Variants in ABCB11 observed in about 807,000 individuals in gnomAD.
ABCB11 encodes the protein bile salt export pump.
A neutral mutation model predicts 148.0 loss-of-function variants in ABCB11; 95 were observed. The observed-to-expected ratio is 0.64, with a 90% confidence interval of 0.54 to 0.76. The LOEUF (loss-of-function observed/expected upper bound fraction) is 0.76. Ranked by LOEUF, ABCB11 falls within the 30% of genes least tolerant of loss-of-function variation. The pLI, the probability that ABCB11 is intolerant of heterozygous loss-of-function variation, is 0.00. For missense variants in ABCB11, 1,523 were observed against 1,617.8 expected (o/e 0.94, Z 1.01); for synonymous variants, 591 against 555.4 (o/e 1.06, Z -0.90).
At chr2:168,959,080 G>C (rs562609372) in intron 18 of ABCB11, among the ~76,000 whole-genome samples, 8 of 151,800 alleles carry the variant, frequency 5.3e-5, no homozygotes, top group African/African-American at 1.7e-4. Context: ...GGCAGGGATA[G>C]ACAACAGCAA....
In ABCB11 at chr2:168,932,431, T is replaced by C. The variant is rs768860471; in HGVS notation, c.3159A>G (p.Gln1053=). Residue 1053 remains glutamine (Q), a synonymous_variant, in exon 24 of 28, where the codon CAA becomes CAG. Coordinates refer to ENST00000650372, the MANE Select transcript of ABCB11 (RefSeq NM_003742.4). ...TGATTGGGGGTTGTCGGTCCAGCAG[T>C]TGAAAAAAGCGTGCAGCTGATATTT... ...KAKISAARFF[Q]LLDRQPPISV... 2 of 1,603,568 alleles carry C rather than the reference T, an allele frequency of 1.2e-6. No homozygotes were observed. Among genetic ancestry groups the C allele is most frequent in the Admixed American group, 1.7e-5 (1 of 58,424 alleles).
chr2:168,936,521 A>G (rs958852363), intron 21 of ABCB11, 88 bp from the exon 22 acceptor site: 1 of 1,230,072 alleles, frequency 8.1e-7, no homozygotes. Flanking sequence ...CCTTTTATAA[A>G]GTTGTGATAA....
At chr2:168,980,074 A>G (rs1490831019) in intron 10 of ABCB11, 95 bp from the exon 11 acceptor site, 1 of 676,284 alleles carries the variant, frequency 1.5e-6, no homozygotes, top group African/African-American at 1.8e-5. Flanking sequence ...GCAGAGAGTT[A>G]TCAGAAATTC....
rs1050210299 is a variant in ABCB11 at position 168,929,356 on chromosome 2, C to T, written c.3411+1309G>A. 5.9e-5 allele frequency among the ~76,000 whole-genome samples: 9 copies of T among 151,916 alleles called. 1 individual carries two copies. The highest frequency in any genetic ancestry group is 1.7e-4 in the African/African-American group (7 of 41,346). Reference sequence around the variant, plus strand: ...AGAAATGAGGGAAGAGATGGCCTGACAGAGACATTGGAAGAACACAAAGGT... The same window carrying T: ...AGAAATGAGGGAAGAGATGGCCTGATAGAGACATTGGAAGAACACAAAGGT... On this transcript the variant is annotated intron_variant, in intron 25 of 27. Transcript: ENST00000650372.
chr2:168,986,107 T>C lies in ABCB11; in HGVS notation c.1083+3A>G. 3 of 1,596,710 alleles carry C rather than the reference T, an allele frequency of 1.9e-6. No individual in the cohort carries two copies. Among genetic ancestry groups the C allele is most frequent in the East Asian group, 2.2e-5 (1 of 44,506 alleles). Reference sequence around the variant, plus strand: ...TATGTCTCGGTCAATAAGTCCAAGGTACCTGGACAAGGGTTCCTGGTGTAT... The same window carrying C: ...TATGTCTCGGTCAATAAGTCCAAGGCACCTGGACAAGGGTTCCTGGTGTAT... On this transcript the variant is annotated splice_donor_region_variant and intron_variant, in intron 10 of 27. Coordinates refer to ENST00000650372, the MANE Select transcript of ABCB11 (RefSeq NM_003742.4).
At chr2:169,015,797 T>C (rs891851902) in intron 3 of ABCB11, among the ~76,000 whole-genome samples, 1 of 152,190 alleles carries the variant, frequency 6.6e-6, no homozygotes, top group Admixed American at 6.5e-5. Context: ...TATATCTCCC[T>C]CACTAAAATG....
At chr2:169,025,180 G>T (rs1695660565) in intron 1 of ABCB11, among the ~76,000 whole-genome samples, 1 of 151,988 alleles carries the variant, frequency 6.6e-6, no homozygotes, top group African/African-American at 2.4e-5. Context: ...CATTTAAAAA[G>T]ATTTCTTTCC....
intron 2 of ABCB11, 32 bp from the exon 3 acceptor site, chr2:169,016,831 A>G (rs1294671445): frequency 4.5e-6 from 7 of 1,543,984 alleles, no homozygotes; most frequent in Non-Finnish European, 6.2e-6. Flanking sequence ...GCAAAAAAGC[A>G]GTTAATAATA....
intron 3 of ABCB11, among the ~76,000 whole-genome samples, chr2:169,014,837 T>C (rs898043762): frequency 4.6e-5 from 7 of 152,202 alleles, no homozygotes; most frequent in African/African-American, 1.7e-4. Context: ...TCATATTTCC[T>C]TAATATTTCC....
intron 5 of ABCB11, among the ~76,000 whole-genome samples, chr2:169,006,115 A>C (rs1375712335): frequency 6.6e-6 from 1 of 152,208 alleles, no homozygotes; most frequent in African/African-American, 2.4e-5. Context: ...TATATATTAT[A>C]TCTCTTATTA....
At chr2:168,975,812 CAT>C (rs955344629) in intron 12 of ABCB11, among the ~76,000 whole-genome samples, 3 of 148,056 alleles carry the variant, frequency 2.0e-5, no homozygotes, top group South Asian at 2.1e-4. Context: ...ATATATATCA[CAT>C]ATATATATGA....
chr2:168,975,295 T>A (rs372741105), intron 12 of ABCB11, among the ~76,000 whole-genome samples: 1 of 61,052 alleles, frequency 1.6e-5, no homozygotes, highest in Admixed American at 1.6e-4. Flanking sequence ...ATTTAAATAT[T>A]TTTATATTTA....
At chr2:168,960,263 C>T (rs1456119895) in intron 18 of ABCB11, among the ~76,000 whole-genome samples, 1 of 151,680 alleles carries the variant, frequency 6.6e-6, no homozygotes, top group African/African-American at 2.4e-5. Flanking sequence ...TCCAAGGCTC[C>T]TCTCACCACT....
At position 168,970,032 on chromosome 2, in the gene ABCB11, G is replaced by C; in HGVS notation, c.1809+13C>G. 7.0e-7 allele frequency: 1 copy of C among 1,426,420 alleles called. No homozygotes were observed. Among genetic ancestry groups the C allele is most frequent in the Non-Finnish European group, 9.4e-7 (1 of 1,062,896 alleles). 88.4% of individuals were successfully genotyped at this position (1,426,420 alleles called of 1,614,324 possible). On this transcript the variant is annotated intron_variant, in intron 15 of 27. Transcript: ENST00000650372. ...CACATGGACCTGTAAAATGGACTAA[G>C]ACTTCCACAAACCTTACTCAGCACT...
intron 9 of ABCB11, 76 bp from the exon 10 acceptor site, chr2:168,986,360 A>G: frequency 7.9e-7 from 1 of 1,262,458 alleles, no homozygotes; most frequent in Non-Finnish European, 1.1e-6. Context: ...GCCGTGATGC[A>G]GTGGTTTTAC....
rs530795295 is a variant in ABCB11 at position 168,960,463 on chromosome 2, G to C, written c.2179-2335C>G. Among the ~76,000 whole-genome samples the C allele has an allele frequency of 2.4e-3, 368 of 151,788 alleles. 2 individuals carry two copies. The highest frequency in any genetic ancestry group is 7.3e-3 in the Admixed American group (111 of 15,226). ...GGATGGTCCACCCACAGCCTGACAT[G>C]ATAGAAATTTTCCCAACCTTCTGAT... On this transcript the variant is annotated intron_variant, in intron 18 of 27. Coordinates refer to ENST00000650372, the MANE Select transcript of ABCB11 (RefSeq NM_003742.4).
At chr2:168,955,788 T>A (rs1207918346) in intron 19 of ABCB11, among the ~76,000 whole-genome samples, 1 of 151,654 alleles carries the variant, frequency 6.6e-6, no homozygotes, top group African/African-American at 2.4e-5. Context: ...CTTACAACTA[T>A]GAGCCTGTAA....
At chr2:168,964,913 C>A (rs1044076687) in intron 17 of ABCB11, among the ~76,000 whole-genome samples, 2 of 151,798 alleles carry the variant, frequency 1.3e-5, no homozygotes, top group East Asian at 3.9e-4. Context: ...TGGGCATCTA[C>A]AACTTACAAA....
chr2:168,984,872 G>A (rs1056626432), intron 10 of ABCB11, among the ~76,000 whole-genome samples: 1 of 152,036 alleles, frequency 6.6e-6, no homozygotes, highest in Non-Finnish European at 1.5e-5. Context: ...TTTGGCCTAG[G>A]CAAAGATTTC....
Sources: allele counts gnomAD v4.1 joint callset (sites outside exome capture counted in the v4.1 genomes callset), GRCh38; gene constraint gnomAD v4.1.1; transcripts MANE v1.5; gene names NCBI Gene and HGNC (gene_info 2026-07-23, HGNC 2026-07-21).